NLRC5: variants seen among roughly 807,000 people sequenced by gnomAD.
NLRC5 encodes the protein NLR family CARD domain containing 5, also known as protein NLRC5.
NLRC5 carries 114 observed loss-of-function variants against 206.9 expected under a neutral mutation model. The observed-to-expected ratio is 0.55, with a 90% CI of 0.47 to 0.64. NLRC5 has a LOEUF of 0.64. NLRC5 is among the 30% of genes least tolerant of loss of function. The pLI, the probability that NLRC5 is intolerant of heterozygous loss-of-function variation, is 0.00. For missense variants in NLRC5, 2,008 were observed against 2,305.5 expected (o/e 0.87, Z 2.64); for synonymous variants, 952 against 962.8 (o/e 0.99, Z 0.21).
At chr16:57,020,617 C>A in intron 2 of NLRC5, 84 bp from the exon 3 acceptor site, 1 of 261,778 alleles carries the variant, frequency 3.8e-6, no homozygotes, top group Non-Finnish European at 6.0e-6. Flanking sequence ...CAGCTCAACT[C>A]CCCCCAAGTT....
intron 30 of NLRC5, 62 bp downstream of exon 30, chr16:57,059,594 G>A (rs1309594939): frequency 4.2e-6 from 6 of 1,429,996 alleles, no homozygotes; most frequent in Middle Eastern, 1.9e-4. Context: ...ACCCTATGGC[G>A]GCCTCCATGG....
chr16:57,039,878 G>A, intron 16 of NLRC5, 29 bp downstream of exon 16: 2 of 1,586,042 alleles, frequency 1.3e-6, no homozygotes, highest in Non-Finnish European at 1.7e-6. Flanking sequence ...CCAACTCCAT[G>A]CTCAGTCAGG....
At chr16:57,054,352 G>A (rs1412069675) in intron 24 of NLRC5, among the ~76,000 whole-genome samples, 3 of 152,166 alleles carry the variant, frequency 2.0e-5, no homozygotes, top group Admixed American at 2.0e-4. Context: ...CACTCTCTGT[G>A]AGCAAGGACT....
rs2062705524 is a variant in NLRC5 at position 57,037,251 on chromosome 16, G to A, written c.2768G>A (p.Ser923Asn). The change falls in exon 15 of 49, where the codon AGT becomes AAT. Residue 923 changes from serine (S) to asparagine (N), a missense_variant. Transcript: ENST00000688547. ...AGVHCVLRAV[S>N]ACWTLAELHI... ...GTGCATTGTGTGCTGAGGGCCGTGA[G>A]TGCGTGCTGGACCCTGGCAGAGCTG... 3 of 1,613,764 alleles carry A rather than the reference G, an allele frequency of 1.9e-6. No homozygotes were observed. The highest frequency in any genetic ancestry group is 1.7e-5 in the Admixed American group (1 of 60,020).
rs1233451369 is a variant in NLRC5 at position 57,077,811 on chromosome 16, C to T, written c.5003+9C>T. 2 of 1,595,666 alleles carry T rather than the reference C, an allele frequency of 1.3e-6. No individual in the cohort carries two copies. The highest frequency in any genetic ancestry group is 2.2e-5 in the East Asian group (1 of 44,674). Reference sequence around the variant, plus strand: ...CGCCTGGAGGAGTTGATGTGAGTGTCTGCCCAGGTGGCCTCTGCCCTCTGT... The same window carrying T: ...CGCCTGGAGGAGTTGATGTGAGTGTTTGCCCAGGTGGCCTCTGCCCTCTGT... On this transcript the variant is annotated intron_variant, in intron 42 of 48. Transcript: ENST00000688547.
At chr16:57,002,137 T>C (rs1195995832) in intron 1 of NLRC5, among the ~76,000 whole-genome samples, 5 of 152,238 alleles carry the variant, frequency 3.3e-5, no homozygotes, top group African/African-American at 1.2e-4. Flanking sequence ...CCACATTTTC[T>C]TTTACTCTTT....
chr16:57,079,681 G>T, intron 46 of NLRC5, 52 bp downstream of exon 46: 3 of 1,534,488 alleles, frequency 2.0e-6, no homozygotes, highest in South Asian at 2.2e-5. Context: ...AAGTCGGGAG[G>T]GGTCGGGGGA....
chr16:57,004,650 A>G, intron 1 of NLRC5: 1 of 152,488 alleles, frequency 6.6e-6, no homozygotes, highest in Non-Finnish European at 1.5e-5. Flanking sequence ...ATGAGTGTGG[A>G]CTAGAGATGG....
intron 27 of NLRC5, among the ~76,000 whole-genome samples, chr16:57,055,920 G>C (rs371578229): frequency 3.3e-5 from 5 of 152,232 alleles, no homozygotes; most frequent in African/African-American, 1.2e-4. Flanking sequence ...GTATTGTTGA[G>C]ATGTGGTATC....
At chr16:56,989,783 C>G (rs996381122) in intron 1 of NLRC5, among the ~76,000 whole-genome samples, 166 bp downstream of exon 1, 3 of 152,156 alleles carry the variant, frequency 2.0e-5, no homozygotes, top group African/African-American at 2.4e-5. Flanking sequence ...GCTGGGTAAG[C>G]GGACAGGGCG....
rs982074569 is a variant in NLRC5 at position 57,080,978 on chromosome 16, G to A, written c.5322-120G>A. The A allele has an allele frequency of 2.7e-5, 21 of 770,502 alleles. No homozygotes were observed. The African/African-American group carries it at 3.1e-4, about 11-fold the overall frequency. 47.7% of individuals were successfully genotyped at this position (770,502 alleles called of 1,614,324 possible). A position where few individuals can be genotyped will look rare whatever the true frequency, so the allele number is the denominator to read the frequency against. ...GGACACACAAGCACCCTATCAGGTG[G>A]CCTCTCTTGAAAACCCTTGCCCCCA... On this transcript the variant is annotated intron_variant, in intron 46 of 48. Coordinates refer to ENST00000688547, the MANE Select transcript of NLRC5 (RefSeq NM_001384950.1).
At chr16:57,078,607 G>A (rs2068741372) in intron 43 of NLRC5, among the ~76,000 whole-genome samples, 1 of 151,784 alleles carries the variant, frequency 6.6e-6, no homozygotes, top group Non-Finnish European at 1.5e-5. Flanking sequence ...GAGTAGCTGG[G>A]ATTACGAGCA....
chr16:57,027,925 G>T, intron 6 of NLRC5, 147 bp from the exon 7 acceptor site: 1 of 550,518 alleles, frequency 1.8e-6, no homozygotes, highest in Non-Finnish European at 3.2e-6. Flanking sequence ...AGTGGAGAAT[G>T]GGCTTTGGTG....
rs529388970 is a variant in NLRC5, at chr16:56,999,359, A to C, written c.-128+9742A>C. On this transcript the variant is annotated intron_variant, in intron 1 of 48. Transcript: ENST00000688547. ...TGGTAAGGTCAAAGGGTAGAAGCGC[A>C]GTAAGATCTAGAAGTCACTGCTGAT... Among the ~76,000 whole-genome samples the C allele has an allele frequency of 1.9e-3, 283 of 152,370 alleles. 1 individual carries two copies. The highest frequency in any genetic ancestry group is 3.2e-3 in the Non-Finnish European group (218 of 68,034).
chr16:57,006,907 A>ATTATTATTATTATTG (rs1369566408), intron 1 of NLRC5, among the ~76,000 whole-genome samples: 28 of 148,620 alleles, frequency 1.9e-4, no homozygotes, highest in Admixed American at 1.6e-3. Context: ...TATTATTATT[A>ATTATTATTATTATTG]TTATTATTAT....
intron 24 of NLRC5, among the ~76,000 whole-genome samples, chr16:57,053,669 C>T (rs1319155600): frequency 6.6e-6 from 1 of 152,184 alleles, no homozygotes; most frequent in African/African-American, 2.4e-5. Flanking sequence ...GCTGGGATTA[C>T]AGGCGTGCAC....
In NLRC5 at chr16:57,020,905, G is replaced by T. The variant is rs753541934; in HGVS notation, c.193G>T (p.Gly65Cys). The T allele has an allele frequency of 6.2e-6, 10 of 1,613,858 alleles. No homozygotes were observed. The highest frequency in any genetic ancestry group is 1.7e-6 in the Non-Finnish European group (2 of 1,180,008). The change falls in exon 3 of 49, where the codon GGT (glycine) becomes TGT (cysteine). Residue 65 changes from glycine (G) to cysteine (C), a missense_variant. Gly to Cys is a radical substitution (Grantham distance 159). Coordinates refer to ENST00000688547, the MANE Select transcript of NLRC5 (RefSeq NM_001384950.1). ...ILQLNKLHVQGSDTWQSFIHC... is the reference protein window; with the variant it reads ...ILQLNKLHVQCSDTWQSFIHC... ...GCAACTCAACAAGCTGCATGTCCAG[G>T]GTTCGGACACCTGGCAGTCTTTCAT...
At chr16:57,063,784 G>A (rs1466371329) in intron 32 of NLRC5, among the ~76,000 whole-genome samples, 2 of 152,050 alleles carry the variant, frequency 1.3e-5, no homozygotes, top group Non-Finnish European at 2.9e-5. Context: ...TGTTGCCCAG[G>A]TTGGAGTGCA....
At chr16:57,075,407 A>G (rs1009443438) in intron 39 of NLRC5, among the ~76,000 whole-genome samples, 2 of 152,050 alleles carry the variant, frequency 1.3e-5, no homozygotes, top group African/African-American at 4.8e-5. Flanking sequence ...TTTGGTAGAG[A>G]CAGTGTTTCT....
Sources: allele counts gnomAD v4.1 joint callset (sites outside exome capture counted in the v4.1 genomes callset), GRCh38; gene constraint gnomAD v4.1.1; transcripts MANE v1.5; gene names NCBI Gene and HGNC (gene_info 2026-07-23, HGNC 2026-07-21).